Variants in ACOT13 observed in about 807,000 individuals in gnomAD.
ACOT13 encodes the protein acyl-CoA thioesterase 13.
A neutral mutation model predicts 11.8 loss-of-function variants in ACOT13; 10 were observed. The observed-to-expected ratio is 0.85, with a 90% CI of 0.53 to 1.44. The LOEUF is 1.44. Ranked by LOEUF, ACOT13 falls within the 40% of genes most tolerant of loss-of-function variation. ACOT13 has a pLI of 0.00. For missense variants in ACOT13, 172 were observed against 174.1 expected (o/e 0.99, Z 0.07); for synonymous variants, 53 against 61.0 (o/e 0.87, Z 0.61).
chr6:24,687,659 GA>G (rs771297564), intron 1 of ACOT13: 482 of 1,474,766 alleles, frequency 3.3e-4, no homozygotes, highest in Non-Finnish European at 4.3e-4. Flanking sequence ...TTGAGAGAAA[GA>G]AAGCATGTAA....
chr6:24,677,295 C>G (rs1778470274), intron 1 of ACOT13, among the ~76,000 whole-genome samples: 1 of 152,218 alleles, frequency 6.6e-6, no homozygotes. Context: ...AGTGCGCAGT[C>G]ACACCACTGG....
intron 1 of ACOT13, among the ~76,000 whole-genome samples, chr6:24,691,176 A>G (rs2127626636): frequency 6.6e-6 from 1 of 152,280 alleles, no homozygotes; most frequent in Admixed American, 6.5e-5. Flanking sequence ...AAGCCACTAA[A>G]TATTGGGCAT....
chr6:24,678,363 G>C (rs1009269757), intron 1 of ACOT13, among the ~76,000 whole-genome samples: 1 of 152,164 alleles, frequency 6.6e-6, no homozygotes, highest in Non-Finnish European at 1.5e-5. Context: ...CTGAGATCTT[G>C]CACTAACCTC....
At chr6:24,673,392 G>T (rs7765052) in intron 1 of ACOT13, among the ~76,000 whole-genome samples, 3 of 151,706 alleles carry the variant, frequency 2.0e-5, no homozygotes, top group Admixed American at 6.5e-5. Context: ...ATAGAGTCTC[G>T]CACTGTTGCC....
At chr6:24,694,834 A>AT (rs762371839) in intron 1 of ACOT13, among the ~76,000 whole-genome samples, 11 of 152,324 alleles carry the variant, frequency 7.2e-5, no homozygotes, top group Non-Finnish European at 1.3e-4. Context: ...TCCAATGTAA[A>AT]TTTTAAAACA....
chr6:24,674,052 G>GT (rs745433162), intron 1 of ACOT13, among the ~76,000 whole-genome samples: 10 of 151,674 alleles, frequency 6.6e-5, no homozygotes, highest in Admixed American at 3.3e-4. Context: ...GTTTTGTGGG[G>GT]TTTTTTTTGT....
At chr6:24,700,425 C>CTTTTTTTT (rs34173572) in intron 2 of ACOT13, among the ~76,000 whole-genome samples, 2 of 105,140 alleles carry the variant, frequency 1.9e-5, no homozygotes, top group Admixed American at 1.2e-4. Context: ...TAAGATCCAC[C>CTTTTTTTT]TTTTTTTTTT....
chr6:24,674,391 G>A (rs151143255), intron 1 of ACOT13, among the ~76,000 whole-genome samples: 6 of 143,348 alleles, frequency 4.2e-5, no homozygotes, highest in East Asian at 2.0e-4. Flanking sequence ...CTTGTTCACC[G>A]TTTTTGGGGG....
rs549318266 is a variant in ACOT13 at position 24,668,104 on chromosome 6, C to T, written c.81+760C>T. Among the ~76,000 whole-genome samples the T allele has an allele frequency of 1.4e-3, 206 of 152,038 alleles. 1 individual carries two copies. Among genetic ancestry groups the T allele is most frequent in the African/African-American group, 4.0e-3 (164 of 41,444 alleles). On this transcript the variant is annotated intron_variant, in intron 1 of 2. Transcript: ENST00000230048. ...TGTACTTTTAGTAGAGACAGGGTTT[C>T]TCCATGTTGGTCAGGCTGCTCTCGA...
In ACOT13 at chr6:24,701,492, A is replaced by G. The variant is rs771901614; in HGVS notation, c.300A>G (p.Ile100Met). Residue 100 changes from isoleucine to methionine, a missense_variant, in exon 3 of 3, where the codon ATA becomes ATG. Transcript: ENST00000230048. ...YMSPAKLGED[I>M]VITAHVLKQG... ...CACCTGCAAAATTAGGAGAAGATAT[A>G]GTGATTACAGCACATGTTCTGAAGC... is the stretch of plus-strand genomic sequence containing the variant. The G allele has an allele frequency of 3.7e-6, 6 of 1,612,912 alleles. No homozygotes were observed. In the African/African-American group the frequency reaches 8.0e-5, roughly 22 times the overall value.
chr6:24,680,197 T>C (rs1251416289), intron 1 of ACOT13, among the ~76,000 whole-genome samples: 4 of 152,158 alleles, frequency 2.6e-5, no homozygotes, highest in African/African-American at 9.7e-5. Context: ...CTTCACTCCA[T>C]TTGCCCTCCT....
intron 2 of ACOT13, among the ~76,000 whole-genome samples, chr6:24,699,355 G>A (rs950770144): frequency 1.1e-4 from 16 of 151,864 alleles, no homozygotes; most frequent in Non-Finnish European, 2.2e-4. Flanking sequence ...GACTACAGGC[G>A]CCTGCCACCA....
At position 24,690,782 on chromosome 6, in the gene ACOT13, T is replaced by C. The variant is rs148900675; in HGVS notation, c.82-7101T>C. ...GCCTTCTCTTATAACCCTTGCTGTT[T>C]TGTACACTCCCTGAGGATTAGGGCA... On this transcript the variant is annotated intron_variant, in intron 1 of 2. Coordinates refer to ENST00000230048, the MANE Select transcript of ACOT13 (RefSeq NM_018473.4). Among the ~76,000 whole-genome samples the C allele has an allele frequency of 6.6e-5, 10 of 152,320 alleles. No homozygotes were observed. The East Asian group carries it at 1.9e-3, about 29-fold the overall frequency.
Position 24,703,602 on chromosome 6 carries a change from A to C in ACOT13, c.*1987A>C, listed in dbSNP as rs1333727617. ...TGGCAGAGATAGAACACTCTCTTAC[A>C]ACAAATGCTGTAAATGGACAAAGCA... On this transcript the variant is annotated 3_prime_UTR_variant, in exon 3 of 3. Coordinates refer to ENST00000230048, the MANE Select transcript of ACOT13 (RefSeq NM_018473.4). The C allele has an allele frequency of 6.6e-6, 1 of 152,254 alleles. No individual in the cohort carries two copies. The highest frequency in any genetic ancestry group is 1.5e-5 in the Non-Finnish European group (1 of 68,038). 9.4% of individuals were successfully genotyped at this position (152,254 alleles called of 1,614,324 possible).
chr6:24,674,529 C>T (rs1352235229), intron 1 of ACOT13, among the ~76,000 whole-genome samples: 2 of 152,144 alleles, frequency 1.3e-5, no homozygotes, highest in African/African-American at 4.8e-5. Flanking sequence ...CTGCGTCAGC[C>T]TCCTGAGTAG....
intron 1 of ACOT13, among the ~76,000 whole-genome samples, chr6:24,677,147 T>A (rs971516701): frequency 6.6e-6 from 1 of 152,140 alleles, no homozygotes; most frequent in South Asian, 2.1e-4. Context: ...AGTATACAAG[T>A]TGAGGTTGGG....
chr6:24,675,380 G>C (rs1165957748), intron 1 of ACOT13, among the ~76,000 whole-genome samples: 4 of 152,038 alleles, frequency 2.6e-5, no homozygotes, highest in Non-Finnish European at 4.4e-5. Context: ...TCCACATCCT[G>C]TCCAGCACCT....
chr6:24,670,956 G>A (rs905708566), intron 1 of ACOT13, among the ~76,000 whole-genome samples: 3 of 152,066 alleles, frequency 2.0e-5, no homozygotes, highest in Non-Finnish European at 4.4e-5. Flanking sequence ...CATTCAAGAG[G>A]AAACAACAGG....
At chr6:24,698,543 C>T (rs1358632611) in intron 2 of ACOT13, among the ~76,000 whole-genome samples, 1 of 150,970 alleles carries the variant, frequency 6.6e-6, no homozygotes, top group Non-Finnish European at 1.5e-5. Context: ...CCACTTATAA[C>T]ACTATGAGGA....
Sources: allele counts gnomAD v4.1 joint callset (sites outside exome capture counted in the v4.1 genomes callset), GRCh38; gene constraint gnomAD v4.1.1; transcripts MANE v1.5; gene names NCBI Gene and HGNC (gene_info 2026-07-23, HGNC 2026-07-21).